Variants in PDK1 observed in about 807,000 individuals in gnomAD.
The protein encoded by PDK1 is [Pyruvate dehydrogenase (acetyl-transferring)] kinase isozyme 1, mitochondrial.
Under a neutral mutation model 54.2 loss-of-function variants are expected in PDK1, and 39 were observed. The ratio of observed to expected loss-of-function variants is 0.72; its 90% CI spans 0.56 to 0.94. The LOEUF is 0.94. PDK1 is among the 40% of genes least tolerant of loss of function. PDK1 has a pLI of 0.00. For synonymous variants in PDK1, 221 were observed against 207.1 expected (o/e 1.07, Z -0.58); for missense variants, 552 against 566.0 (o/e 0.98, Z 0.25).
At chr2:172,682,337 G>A in the PDK1 span, among the ~76,000 whole-genome samples, 1 of 152,196 alleles carries the variant, frequency 6.6e-6, no homozygotes, top group African/African-American at 2.4e-5. Context: ...CCCTCTCAGG[G>A]TTTTTTCTGA....
the PDK1 span, among the ~76,000 whole-genome samples, chr2:172,656,546 G>A: frequency 6.6e-6 from 1 of 152,030 alleles, no homozygotes; most frequent in African/African-American, 2.4e-5. Flanking sequence ...GTTAGGCCCT[G>A]GTAAAATAGT....
At chr2:172,555,888 G>GC (rs1018634187), upstream of PDK1, 2 of 332,758 alleles carry the variant, frequency 6.0e-6, no homozygotes, top group African/African-American at 4.3e-5. Flanking sequence ...CGCGCGCTCC[G>GC]CATCTCCTTC....
intron 8 of PDK1, among the ~76,000 whole-genome samples, chr2:172,573,611 A>G (rs1022128651): frequency 1.3e-5 from 2 of 150,128 alleles, no homozygotes; most frequent in African/African-American, 2.5e-5. Context: ...TATATATTCT[A>G]TTTGTGTGTA....
At chr2:172,673,210 C>T in the PDK1 span, among the ~76,000 whole-genome samples, 17 of 152,144 alleles carry the variant, frequency 1.1e-4, no homozygotes, top group Admixed American at 2.0e-4. Context: ...TGATTCTTCC[C>T]TTGGGGTGTG....
At chr2:172,628,863 A>G in the PDK1 span, among the ~76,000 whole-genome samples, 1 of 152,318 alleles carries the variant, frequency 6.6e-6, no homozygotes, top group East Asian at 1.9e-4. Flanking sequence ...TCATGCCTGT[A>G]ATCCCAGCAC....
chr2:172,674,091 T>C, the PDK1 span: 1 of 152,260 alleles, frequency 6.6e-6, no homozygotes, highest in African/African-American at 2.4e-5. Context: ...TATTGTGAGA[T>C]GATGAACTAT....
the PDK1 span, among the ~76,000 whole-genome samples, chr2:172,688,276 A>G: frequency 1.6e-4 from 25 of 151,772 alleles, no homozygotes; most frequent in African/African-American, 2.7e-4. Flanking sequence ...TGTGATATGT[A>G]TGGATGGATG....
intron 2 of PDK1, among the ~76,000 whole-genome samples, chr2:172,560,229 G>A (rs903104123): frequency 2.0e-5 from 3 of 152,146 alleles, no homozygotes; most frequent in African/African-American, 4.8e-5. Context: ...GTGTGATCAT[G>A]GCTCACTGCA....
chr2:172,637,499 C>T, the PDK1 span, among the ~76,000 whole-genome samples: 9 of 152,090 alleles, frequency 5.9e-5, no homozygotes, highest in Admixed American at 1.3e-4. Context: ...CTACAGAATT[C>T]TTTATCATCC....
chr2:172,655,408 T>C, the PDK1 span, among the ~76,000 whole-genome samples: 1 of 152,380 alleles, frequency 6.6e-6, no homozygotes, highest in African/African-American at 2.4e-5. Flanking sequence ...TGACCCCTTT[T>C]AGGAACCTTT....
In PDK1 at chr2:172,603,385, T is replaced by G. The variant is rs2149317841; in HGVS notation, c.*7416T>G. The G allele has an allele frequency of 6.6e-6, 1 of 152,356 alleles. No homozygotes were observed. Among genetic ancestry groups the G allele is most frequent in the Middle Eastern group, 3.4e-3 (1 of 294 alleles). The allele number at this position is 152,356 out of a possible 1,614,324, so 9.4% of individuals were successfully genotyped here. A position where few individuals can be genotyped will look rare whatever the true frequency, so the allele number is the denominator to read the frequency against. On this transcript the variant is annotated 3_prime_UTR_variant, in exon 11 of 11. Coordinates refer to ENST00000282077, the MANE Select transcript of PDK1 (RefSeq NM_002610.5). ...GTTAATCTTTGTGACATCTGAATTT[T>G]AAGGATCTTACCCAGTGAACATATA...
At chr2:172,626,720 G>A in the PDK1 span, among the ~76,000 whole-genome samples, 22 of 151,876 alleles carry the variant, frequency 1.4e-4, no homozygotes, top group Non-Finnish European at 2.6e-4. Context: ...CTTGAACCTG[G>A]CGGTTGAGGC....
downstream of PDK1, among the ~76,000 whole-genome samples, chr2:172,613,211 T>A (rs1691516860): frequency 2.6e-5 from 4 of 152,198 alleles, no homozygotes; most frequent in Admixed American, 2.6e-4. Context: ...CAGAAATGGC[T>A]GGTACCCTGG....
the PDK1 span, among the ~76,000 whole-genome samples, chr2:172,687,865 G>T: frequency 6.6e-6 from 1 of 152,198 alleles, no homozygotes; most frequent in African/African-American, 2.4e-5. Flanking sequence ...CTTCTTGCCT[G>T]CTGCCCACTG....
the PDK1 span, among the ~76,000 whole-genome samples, chr2:172,705,585 G>C: frequency 2.0e-5 from 3 of 152,162 alleles, no homozygotes; most frequent in African/African-American, 7.2e-5. Context: ...TTGTGATGTG[G>C]AGTAAAATTG....
the PDK1 span, among the ~76,000 whole-genome samples, chr2:172,638,597 G>C: frequency 6.6e-6 from 1 of 152,206 alleles, no homozygotes; most frequent in Non-Finnish European, 1.5e-5. Flanking sequence ...CTTATTGAGA[G>C]GTGAAGCTGG....
the PDK1 span, among the ~76,000 whole-genome samples, chr2:172,649,601 A>G: frequency 6.6e-6 from 1 of 152,176 alleles, no homozygotes; most frequent in Non-Finnish European, 1.5e-5. Flanking sequence ...AAAAACTTAG[A>G]TGAATGGCTA....
At chr2:172,594,518 T>A (rs1170528381) in intron 10 of PDK1, among the ~76,000 whole-genome samples, 1 of 152,222 alleles carries the variant, frequency 6.6e-6, no homozygotes, top group African/African-American at 2.4e-5. Flanking sequence ...TTTACAAATG[T>A]GTTGAGCTTC....
the PDK1 span, chr2:172,679,032 CAAT>C: frequency 6.6e-6 from 1 of 152,138 alleles, no homozygotes; most frequent in Non-Finnish European, 1.5e-5. Flanking sequence ...GTACCTAAAG[CAAT>C]AATAATTGAA....
Sources: gnomAD v4.1 joint callset for allele counts (sites outside exome capture counted in the v4.1 genomes callset) on GRCh38, gnomAD v4.1.1 for gene constraint, MANE v1.5 for transcripts, NCBI Gene and HGNC (gene_info 2026-07-23, HGNC 2026-07-21) for gene names.